The following SIPA1L2 variants were observed in gnomAD, a reference collection of about 807,000 sequenced individuals.
SIPA1L2 encodes signal induced proliferation associated 1 like 2, also known as signal-induced proliferation-associated 1-like protein 2.
Under a neutral mutation model 163.9 loss-of-function variants are expected in SIPA1L2, and 56 were observed. That is an observed-to-expected ratio of 0.34 (90% CI 0.28 to 0.43). The LOEUF (loss-of-function observed/expected upper bound fraction) is 0.43. Ranked by LOEUF, SIPA1L2 falls within the 20% of genes least tolerant of loss-of-function variation. SIPA1L2 has a pLI of 1.00. For missense variants in SIPA1L2, 1,974 were observed against 2,193.5 expected (o/e 0.90, Z 2.00); for synonymous variants, 877 against 865.7 (o/e 1.01, Z -0.23).
chr1:232,562,941 G>A (rs552085851), intron 2 of SIPA1L2, among the ~76,000 whole-genome samples: 11 of 152,322 alleles, frequency 7.2e-5, no homozygotes, highest in African/African-American at 2.6e-4. Flanking sequence ...ACCCAGGCAT[G>A]GAAGGAGAGC....
intron 5 of SIPA1L2, among the ~76,000 whole-genome samples, chr1:232,487,946 A>G (rs1409061833): frequency 2.0e-5 from 3 of 151,840 alleles, no homozygotes; most frequent in East Asian, 1.9e-4. Flanking sequence ...ACACACACAC[A>G]CACACACACG....
chr1:232,495,280 G>A (rs1031715417), intron 3 of SIPA1L2, among the ~76,000 whole-genome samples: 1 of 152,070 alleles, frequency 6.6e-6, no homozygotes, highest in Admixed American at 6.6e-5. Flanking sequence ...ATGAAAGGTG[G>A]GGGCCGGGCA....
intron 3 of SIPA1L2, among the ~76,000 whole-genome samples, chr1:232,510,404 A>G (rs1370230209): frequency 6.6e-6 from 1 of 152,164 alleles, no homozygotes; most frequent in Non-Finnish European, 1.5e-5. Flanking sequence ...TTATAAATCC[A>G]CTGCAAAGCT....
At chr1:232,446,561 T>C (rs1457799684) in intron 10 of SIPA1L2, among the ~76,000 whole-genome samples, 2 of 152,234 alleles carry the variant, frequency 1.3e-5, no homozygotes, top group African/African-American at 4.8e-5. Flanking sequence ...AGCTTCCTTT[T>C]GTCTGATATT....
chr1:232,418,445 T>A (rs1661385763), intron 18 of SIPA1L2, among the ~76,000 whole-genome samples: 2 of 152,354 alleles, frequency 1.3e-5, no homozygotes, highest in East Asian at 1.9e-4. Flanking sequence ...AAGTTCCTGA[T>A]ACGTGGCCAT....
intron 2 of SIPA1L2, among the ~76,000 whole-genome samples, chr1:232,531,745 G>A (rs1656958577): frequency 6.6e-6 from 1 of 152,170 alleles, no homozygotes; most frequent in Admixed American, 6.5e-5. Context: ...CTGCTATCAT[G>A]GGACAGGATC....
chr1:232,430,246 A>G lies in SIPA1L2; in HGVS notation c.4257-1682T>C, dbSNP rs1277844123. Among the ~76,000 whole-genome samples the G allele has an allele frequency of 2.0e-5, 3 of 152,248 alleles. No individual in the cohort carries two copies. In the East Asian group the frequency reaches 5.8e-4, roughly 29 times the overall value. ...TAGGAAGTACTGAGCTAGCGGGTGCAGAGAACAATCCCCTTTGGGAGGGTG... is the reference window on the plus strand; with the variant it reads ...TAGGAAGTACTGAGCTAGCGGGTGCGGAGAACAATCCCCTTTGGGAGGGTG... On this transcript the variant is annotated intron_variant, in intron 16 of 22. Coordinates refer to ENST00000674635, the MANE Select transcript of SIPA1L2 (RefSeq NM_020808.5).
At chr1:232,578,831 G>C (rs1339099271) in intron 1 of SIPA1L2, among the ~76,000 whole-genome samples, 1 of 152,148 alleles carries the variant, frequency 6.6e-6, no homozygotes, top group African/African-American at 2.4e-5. Context: ...TCTTCAAGTA[G>C]CAATAGGGAC....
At chr1:232,576,526 C>T (rs1463316442) in intron 1 of SIPA1L2, among the ~76,000 whole-genome samples, 1 of 152,206 alleles carries the variant, frequency 6.6e-6, no homozygotes, top group Non-Finnish European at 1.5e-5. Flanking sequence ...CCCTGAGACA[C>T]AACAATATTG....
chr1:232,545,125 A>T (rs538040989), intron 2 of SIPA1L2, among the ~76,000 whole-genome samples: 2 of 152,344 alleles, frequency 1.3e-5, no homozygotes, highest in East Asian at 3.9e-4. Context: ...AATATTTTTT[A>T]AAATTAAAAA....
intron 7 of SIPA1L2, among the ~76,000 whole-genome samples, chr1:232,479,281 AT>A (rs1411034062): frequency 1.3e-5 from 2 of 152,228 alleles, no homozygotes; most frequent in African/African-American, 4.8e-5. Context: ...AGTATTCTCT[AT>A]AAATAAGCTA....
At chr1:232,562,578 T>C (rs1659104931) in intron 2 of SIPA1L2, among the ~76,000 whole-genome samples, 1 of 152,246 alleles carries the variant, frequency 6.6e-6, no homozygotes, top group South Asian at 2.1e-4. Flanking sequence ...TTTTTTCCAT[T>C]GCAACTGTTA....
chr1:232,404,228 T>G (rs1660513769), intron 19 of SIPA1L2, 50 bp from the exon 20 acceptor site: 1 of 1,577,544 alleles, frequency 6.3e-7, no homozygotes, highest in Admixed American at 1.7e-5. Flanking sequence ...CTCTCTATAC[T>G]TGAGAATCTC....
At chr1:232,548,785 C>T (rs1352491759) in intron 2 of SIPA1L2, among the ~76,000 whole-genome samples, 1 of 152,086 alleles carries the variant, frequency 6.6e-6, no homozygotes, top group Non-Finnish European at 1.5e-5. Context: ...GAGGACAGGA[C>T]AGAACACATC....
rs1399266227 is a variant in SIPA1L2, at chr1:232,572,763, ATATATATATATATATATT to A, written c.-270+1393_-270+1410del. On this transcript the variant is annotated intron_variant, in intron 2 of 22. Transcript: ENST00000674635. ...CATATATATATATATATATATATATATATATATATATATATATTTATTTATTTATTTTTTCCTTGAGAC... is the reference window on the plus strand; with the variant it reads ...CATATATATATATATATATATATATATATTTATTTATTTTTTCCTTGAGAC... Among the ~76,000 whole-genome samples, 178 of 99,056 alleles carry A rather than the reference ATATATATATATATATATT, an allele frequency of 1.8e-3. 2 individuals are homozygous for A. Among genetic ancestry groups the A allele is most frequent in the African/African-American group, 4.5e-3 (128 of 28,616 alleles). 65.0% of individuals were successfully genotyped at this position (99,056 alleles called of 152,430 possible).
At chr1:232,417,319 G>T (rs1175620503) in intron 18 of SIPA1L2, among the ~76,000 whole-genome samples, 1 of 152,124 alleles carries the variant, frequency 6.6e-6, no homozygotes, top group Non-Finnish European at 1.5e-5. Flanking sequence ...AGAAGTTGGG[G>T]TAATATTCCA....
chr1:232,611,114 G>A (rs1414724991), intron 1 of SIPA1L2, among the ~76,000 whole-genome samples: 2 of 152,056 alleles, frequency 1.3e-5, no homozygotes, highest in African/African-American at 4.8e-5. Flanking sequence ...GTTTTATCAG[G>A]GGTTCCGCTT....
At chr1:232,627,051 G>GA (rs141933228) in intron 1 of SIPA1L2, among the ~76,000 whole-genome samples, 3,655 of 147,056 alleles carry the variant, frequency 0.025, 214 homozygotes, top group East Asian at 0.25. Context: ...AAAACAGAAA[G>GA]AAAAAAAAAA....
intron 3 of SIPA1L2, 141 bp from the exon 4 acceptor site, chr1:232,493,801 C>G: frequency 8.9e-7 from 1 of 1,120,768 alleles, no homozygotes; most frequent in Non-Finnish European, 1.3e-6. Flanking sequence ...TCTGTTTCAT[C>G]AAGTCTTCTG....
Sources: gnomAD v4.1 joint callset for allele counts (sites outside exome capture counted in the v4.1 genomes callset) on GRCh38, gnomAD v4.1.1 for gene constraint, MANE v1.5 for transcripts, NCBI Gene and HGNC (gene_info 2026-07-23, HGNC 2026-07-21) for gene names.